The following CEBPZ variants were observed in gnomAD, a reference collection of about 807,000 sequenced individuals.
The protein encoded by CEBPZ is CCAAT enhancer binding protein zeta.
Under a neutral mutation model 104.5 loss-of-function variants are expected in CEBPZ, and 78 were observed. The ratio of observed to expected loss-of-function variants is 0.75; its 90% CI spans 0.62 to 0.90. The LOEUF (loss-of-function observed/expected upper bound fraction) is 0.90, where lower values mean the gene tolerates loss of function less well. Ranked by LOEUF, CEBPZ falls within the 40% of genes least tolerant of loss-of-function variation. The pLI is 0.00. For missense variants in CEBPZ, 1,439 were observed against 1,233.5 expected (o/e 1.17, Z -2.50); for synonymous variants, 470 against 427.0 (o/e 1.10, Z -1.24).
intron 13 of CEBPZ, 181 bp downstream of exon 13, chr2:37,210,817 AT>A (rs2148347015): frequency 2.1e-6 from 1 of 484,798 alleles, no homozygotes; most frequent in East Asian, 3.3e-5. Context: ...ATCCAGAGAT[AT>A]CTGAATGCGA....
chr2:37,212,456 T>C, intron 10 of CEBPZ, 64 bp from the exon 11 acceptor site: 1 of 1,316,704 alleles, frequency 7.6e-7, no homozygotes, highest in Non-Finnish European at 1.1e-6. Context: ...ATATCTTGTA[T>C]CTGAATCAAT....
chr2:37,216,278 A>T (rs1312700133), intron 7 of CEBPZ, 38 bp downstream of exon 7: 1 of 1,605,968 alleles, frequency 6.2e-7, no homozygotes, highest in Non-Finnish European at 8.5e-7. Context: ...TTATGTATTA[A>T]AAATGAAAGC....
chr2:37,228,379 G>T lies in CEBPZ; in HGVS notation c.814C>A (p.Leu272Ile). ...TLQFVETLVN[L>I]VKKKGSKQQC... ...TGTTTGCTGCCCTTCTTTTTAACAA[G>T]GTTCACAAGAGTTTCTACAAACTGA... Residue 272 changes from leucine to isoleucine, a missense_variant, in exon 2 of 16, where the codon CTT (leucine) becomes ATT (isoleucine). Leu to Ile is a conservative substitution (Grantham distance 5). Transcript: ENST00000234170. The T allele has an allele frequency of 4.3e-6, 7 of 1,614,126 alleles. No individual in the cohort carries two copies. The highest frequency in any genetic ancestry group is 5.9e-6 in the Non-Finnish European group (7 of 1,180,014).
intron 13 of CEBPZ, among the ~76,000 whole-genome samples, chr2:37,206,834 T>C (rs1252500013): frequency 6.6e-6 from 1 of 152,230 alleles, no homozygotes; most frequent in Non-Finnish European, 1.5e-5. Flanking sequence ...CTACGTTGGA[T>C]GTAAATGGCC....
chr2:37,202,878 A>G lies in CEBPZ; in HGVS notation c.2944-13T>C. 6.3e-7 allele frequency: 1 copy of G among 1,597,166 alleles called. No individual in the cohort carries two copies. Among genetic ancestry groups the G allele is most frequent in the South Asian group, 1.1e-5 (1 of 87,740 alleles). ...ATAGATGGCCAAACTTTTAAACAAA[A>G]ACGATAAATTTATTAGAAAACTAAA... On this transcript the variant is annotated splice_polypyrimidine_tract_variant and intron_variant, in intron 14 of 15. Coordinates refer to ENST00000234170, the MANE Select transcript of CEBPZ (RefSeq NM_005760.3).
intron 1 of CEBPZ, 110 bp downstream of exon 1, chr2:37,231,302 G>T (rs779358839): frequency 1.1e-5 from 16 of 1,462,650 alleles, no homozygotes; most frequent in East Asian, 2.3e-5. Flanking sequence ...CTGGGATCTC[G>T]GTCCTGGACG....
chr2:37,230,750 G>T (rs1024686158), intron 1 of CEBPZ, among the ~76,000 whole-genome samples: 1 of 152,076 alleles, frequency 6.6e-6, no homozygotes, highest in Non-Finnish European at 1.5e-5. Flanking sequence ...CATGGAATAG[G>T]TTAGGCACTC....
intron 1 of CEBPZ, among the ~76,000 whole-genome samples, chr2:37,229,419 C>T (rs1055261940): frequency 1.3e-5 from 2 of 152,096 alleles, no homozygotes; most frequent in Non-Finnish European, 2.9e-5. Flanking sequence ...AAAAAGGGTT[C>T]TTTAAGAATA....
rs1175574482 is a variant in CEBPZ, at chr2:37,222,552, A to G, written c.1893T>C (p.Asp631=). 2 of 1,583,636 alleles carry G rather than the reference A, an allele frequency of 1.3e-6. No homozygotes were observed. Among genetic ancestry groups the G allele is most frequent in the East Asian group, 4.5e-5 (2 of 44,312 alleles). ...SQLDDHPESD[D]EENFIDANDD... ...CATTTGCATCAATAAAATTTTCTTC[A>G]TCATCAGACTCCTAACAAAAGTATA... The change falls in exon 4 of 16, where the codon GAT becomes GAC. Residue 631 remains aspartate (D), a synonymous_variant. Transcript: ENST00000234170.
intron 13 of CEBPZ, among the ~76,000 whole-genome samples, chr2:37,205,956 GAA>G (rs1677525065): frequency 6.6e-6 from 1 of 152,170 alleles, no homozygotes; most frequent in South Asian, 2.1e-4. Context: ...GTTGAGAAAA[GAA>G]AAAGATAACA....
intron 8 of CEBPZ, chr2:37,215,503 AACTT>A (rs1273391411): frequency 1.3e-5 from 2 of 152,426 alleles, no homozygotes; most frequent in African/African-American, 2.4e-5. Flanking sequence ...TTTTAATTCT[AACTT>A]ACTAACTGTG....
rs751847878 is a variant in CEBPZ at position 37,213,916 on chromosome 2, T to G, written c.2493A>C (p.Ala831=). 1.8e-5 allele frequency: 29 copies of G among 1,594,894 alleles called. No individual in the cohort carries two copies. The African/African-American group carries it at 3.7e-4, about 20-fold the overall frequency. The change falls in exon 10 of 16, where the codon GCA becomes GCC. Residue 831 remains alanine (A), a synonymous_variant. Transcript: ENST00000234170. ...VAVKEKQKRD[A]DEESIEDVDD... ...CCACGTCTTCTATACTTTCTTCATC[T>G]GCATCCCGTTTTTGTTTCTCTTTAA...
intron 12 of CEBPZ, chr2:37,211,375 A>C: frequency 3.8e-6 from 1 of 264,216 alleles, no homozygotes; most frequent in Non-Finnish European, 7.0e-6. Context: ...GTTCAGAATA[A>C]GTAAGAAGAA....
chr2:37,229,004 C>T lies in CEBPZ; in HGVS notation c.189G>A (p.Glu63=), dbSNP rs1664966273. The T allele has an allele frequency of 6.3e-7, 1 of 1,580,862 alleles. No homozygotes were observed. Among genetic ancestry groups the T allele is most frequent in the African/African-American group, 1.4e-5 (1 of 73,196 alleles). Residue 63 remains glutamate (E), a synonymous_variant, in exon 2 of 16, where the codon GAG becomes GAA. Transcript: ENST00000234170. ...QDYLMLATLD[E]NEEVIDGGKK... ...TGCCTCCATCTATCACTTCCTCATT[C>T]TCATCCAAAGTAGCCAGCATAAGGT...
chr2:37,202,849 T>G lies in CEBPZ; in HGVS notation c.2960A>C (p.Asp987Ala). Residue 987 changes from aspartate to alanine, a missense_variant, in exon 15 of 16, where the codon GAT becomes GCT. Transcript: ENST00000234170. ...VSAEEFGHLL[D>A]ENMGSKFDNI... is the part of the protein sequence containing the mutation. ...ATCAAACTTGGATCCCATATTTTCA[T>G]CCAATAGATGGCCAAACTTTTAAAC... 6.2e-7 allele frequency: 1 copy of G among 1,602,458 alleles called. No homozygotes were observed. Among genetic ancestry groups the G allele is most frequent in the Non-Finnish European group, 8.5e-7 (1 of 1,174,786 alleles).
At chr2:37,204,211 C>T (rs1359129512) in intron 13 of CEBPZ, 1 of 150,916 alleles carries the variant, frequency 6.6e-6, no homozygotes, top group Admixed American at 6.6e-5. Flanking sequence ...CTTAAAGTTT[C>T]TTTTATCCCG....
chr2:37,227,662 G>C lies in CEBPZ; in HGVS notation c.1531C>G (p.Leu511Val), dbSNP rs747766537. 2 of 1,614,048 alleles carry C rather than the reference G, an allele frequency of 1.2e-6. No homozygotes were observed. The highest frequency in any genetic ancestry group is 2.7e-5 in the African/African-American group (2 of 74,930). The change falls in exon 2 of 16, where the codon CTG becomes GTG. Residue 511 changes from leucine (L) to valine (V), a missense_variant. Leu to Val is a conservative substitution (Grantham distance 32, BLOSUM62 1). Transcript: ENST00000234170. ...DDKVREQIDT[L>V]FKVLHIVNFN... ...TTCACAATATGCAACACTTTAAACAGTGTGTCAATCTGCTCCCTTACTTTG... is the reference window on the plus strand; with the variant it reads ...TTCACAATATGCAACACTTTAAACACTGTGTCAATCTGCTCCCTTACTTTG...
chr2:37,227,158 G>C (rs1160405897), intron 2 of CEBPZ, among the ~76,000 whole-genome samples: 1 of 152,216 alleles, frequency 6.6e-6, no homozygotes, highest in African/African-American at 2.4e-5. Context: ...GCAGGGAAAA[G>C]ATAGAGGACT....
Position 37,220,361 on chromosome 2 carries a change from A to G in CEBPZ, c.2154+24T>C, listed in dbSNP as rs780162553. The stretch of plus-strand genomic sequence containing the variant: ...TATATATATATAGCATAAATGAATA[A>G]AAGACAATTTGAAATTATTTTACCT... On this transcript the variant is annotated intron_variant, in intron 5 of 15. Coordinates refer to ENST00000234170, the MANE Select transcript of CEBPZ (RefSeq NM_005760.3). 51 of 1,199,140 alleles carry G rather than the reference A, an allele frequency of 4.3e-5. No individual in the cohort carries two copies. The African/African-American group carries it at 7.3e-4, about 17-fold the overall frequency. 74.3% of individuals were successfully genotyped at this position (1,199,140 alleles called of 1,614,324 possible).
Sources: gnomAD v4.1 joint callset for allele counts (sites outside exome capture counted in the v4.1 genomes callset) on GRCh38, gnomAD v4.1.1 for gene constraint, MANE v1.5 for transcripts, NCBI Gene and HGNC (gene_info 2026-07-23, HGNC 2026-07-21) for gene names.